The following NR3C1 variants were observed in gnomAD, a reference collection of about 807,000 sequenced individuals.
NR3C1 encodes glucocorticoid receptor.
A neutral mutation model predicts 74.0 loss-of-function variants in NR3C1; 14 were observed. That is an observed-to-expected ratio of 0.19 (90% CI 0.12 to 0.30). NR3C1 has a LOEUF of 0.30. Ranked by LOEUF, NR3C1 falls within the 10% of genes least tolerant of loss-of-function variation. The pLI is 1.00. For synonymous variants in NR3C1, 308 were observed against 332.5 expected, an observed-to-expected ratio of 0.93 and a Z score of 0.80; for missense variants, 695 against 909.8, an observed-to-expected ratio of 0.76 and a Z score of 3.04.
exon 1 of NR3C1, chr5:143,435,035 T>A (rs932684436): frequency 1.9e-5 from 19 of 985,288 alleles, no homozygotes; most frequent in Admixed American, 6.2e-5. Flanking sequence ...AGCCACTGAT[T>A]CAGCAGATAT....
chr5:143,287,740 AT>A (rs1814826904), intron 7 of NR3C1, among the ~76,000 whole-genome samples: 1 of 152,202 alleles, frequency 6.6e-6, no homozygotes, highest in Non-Finnish European at 1.5e-5. Context: ...AAAGAGAGAT[AT>A]AAAAATGATC....
intron 4 of NR3C1, among the ~76,000 whole-genome samples, chr5:143,304,085 A>G (rs1819076323): frequency 6.6e-6 from 1 of 152,190 alleles, no homozygotes; most frequent in Non-Finnish European, 1.5e-5. Context: ...AGGTAAGAGA[A>G]AGAGATAAAA....
At chr5:143,406,114 TATACACATATATATTATATAC>T (rs1841094311), upstream of NR3C1, among the ~76,000 whole-genome samples, 1 of 151,174 alleles carries the variant, frequency 6.6e-6, no homozygotes, top group South Asian at 2.1e-4. Flanking sequence ...TATACATATG[TATACACATATATATTATATAC>T]ATATATATGT....
At chr5:143,381,686 A>G (rs1836274371) in intron 2 of NR3C1, among the ~76,000 whole-genome samples, 1 of 152,200 alleles carries the variant, frequency 6.6e-6, no homozygotes. Flanking sequence ...TAGGGAAAGG[A>G]CAGTCTCTTC....
chr5:143,298,843 A>G, intron 5 of NR3C1, 31 bp from the exon 6 acceptor site: 2 of 1,606,954 alleles, frequency 1.2e-6, no homozygotes, highest in Non-Finnish European at 8.5e-7. Context: ...GTATGAGGCA[A>G]CACTCTTCAG....
At chr5:143,386,521 T>C (rs1456363041) in intron 2 of NR3C1, among the ~76,000 whole-genome samples, 1 of 152,196 alleles carries the variant, frequency 6.6e-6, no homozygotes, top group African/African-American at 2.4e-5. Flanking sequence ...GATAATCCCA[T>C]TCTTTTATTT....
chr5:143,368,788 A>G (rs1833739757), intron 2 of NR3C1, among the ~76,000 whole-genome samples: 1 of 152,142 alleles, frequency 6.6e-6, no homozygotes, highest in Non-Finnish European at 1.5e-5. Context: ...AATACGTGAG[A>G]CTGTGTAATT....
intron 2 of NR3C1, among the ~76,000 whole-genome samples, chr5:143,398,387 C>T (rs1839634490): frequency 7.0e-6 from 1 of 142,054 alleles, no homozygotes. Context: ...ACAACTAAGC[C>T]TTTTAGAAGA....
At chr5:143,397,809 G>C (rs1010114442) in intron 2 of NR3C1, among the ~76,000 whole-genome samples, 8 of 151,756 alleles carry the variant, frequency 5.3e-5, no homozygotes, top group Admixed American at 3.9e-4. Flanking sequence ...AAAAGTTAAA[G>C]CATTAAAATC....
intron 1 of NR3C1, among the ~76,000 whole-genome samples, chr5:143,424,156 T>C (rs1751402583): frequency 6.6e-6 from 1 of 151,984 alleles, no homozygotes; most frequent in Admixed American, 6.6e-5. Flanking sequence ...GGCACATGTA[T>C]ACATATGTAA....
At chr5:143,425,297 A>AT (rs1751471544) in intron 1 of NR3C1, among the ~76,000 whole-genome samples, 1 of 152,198 alleles carries the variant, frequency 6.6e-6, no homozygotes. Context: ...AGAATCTCGG[A>AT]TTAGTCAATG....
At chr5:143,390,467 A>G (rs1203872284) in intron 2 of NR3C1, among the ~76,000 whole-genome samples, 3 of 152,152 alleles carry the variant, frequency 2.0e-5, no homozygotes, top group African/African-American at 7.2e-5. Flanking sequence ...TATATCTGCT[A>G]TTGCCAAATT....
intron 2 of NR3C1, among the ~76,000 whole-genome samples, chr5:143,341,613 T>C (rs1828240484): frequency 6.6e-6 from 1 of 152,240 alleles, no homozygotes; most frequent in South Asian, 2.1e-4. Flanking sequence ...AGAACATGTG[T>C]ATCATATCCT....
intron 2 of NR3C1, chr5:143,390,127 A>T (rs1837971332): frequency 6.4e-6 from 1 of 156,494 alleles, no homozygotes; most frequent in South Asian, 2.0e-4. Context: ...AAAGATTAGG[A>T]TCCATTTTAA....
intron 2 of NR3C1, among the ~76,000 whole-genome samples, chr5:143,397,079 A>G (rs1257211719): frequency 2.0e-5 from 3 of 151,846 alleles, no homozygotes; most frequent in Non-Finnish European, 4.4e-5. Context: ...GCTCAATCAT[A>G]ATATTCATAA....
rs1840040412 is a variant in NR3C1 at position 143,400,375 on chromosome 5, C to A, written c.465G>T (p.Glu155Asp). 1 of 1,614,194 alleles carries A rather than the reference C, an allele frequency of 6.2e-7. No individual in the cohort carries two copies. Among genetic ancestry groups the A allele is most frequent in the Non-Finnish European group, 8.5e-7 (1 of 1,180,032 alleles). Residue 155 changes from glutamate to aspartate, a missense_variant, in exon 2 of 9, where the codon GAG (glutamate) becomes GAT (aspartate). By Grantham distance (45) the Glu-to-Asp change is conservative. Around this residue, in one of 4 missense-constraint regions of NR3C1, gnomAD observed 497 missense variants for 489.5 expected, o/e 1.02. Transcript: ENST00000394464. ...ATACATCAGAGTGAGTTTTTGGAAA[C>A]TCCTTCTCTGTGGGGGCAGCAGACA... is the stretch of plus-strand genomic sequence containing the variant. ...TAVSAAPTEK[E>D]FPKTHSDVSS...
chr5:143,338,888 T>G (rs950946665), intron 2 of NR3C1, among the ~76,000 whole-genome samples: 1 of 152,228 alleles, frequency 6.6e-6, no homozygotes, highest in Non-Finnish European at 1.5e-5. Context: ...GGAAGCCCTA[T>G]TCACAGTAAG....
intron 2 of NR3C1, among the ~76,000 whole-genome samples, chr5:143,338,726 G>A (rs192404813): frequency 6.6e-6 from 1 of 152,172 alleles, no homozygotes; most frequent in Non-Finnish European, 1.5e-5. Flanking sequence ...GTTACAGTAG[G>A]CTAAGGTTAA....
At chr5:143,397,165 G>A (rs1182549302) in intron 2 of NR3C1, among the ~76,000 whole-genome samples, 1 of 151,812 alleles carries the variant, frequency 6.6e-6, no homozygotes, top group Non-Finnish European at 1.5e-5. Flanking sequence ...AGAGAATAAA[G>A]TGAGGATTTT....
Sources: allele counts gnomAD v4.1 joint callset (sites outside exome capture counted in the v4.1 genomes callset), GRCh38; gene constraint gnomAD v4.1.1; regional missense constraint gnomAD v4.1.1; transcripts MANE v1.5; gene names NCBI Gene and HGNC (gene_info 2026-07-23, HGNC 2026-07-21).